The following PROS1 variants were observed in gnomAD, a reference collection of about 807,000 sequenced individuals.
The protein encoded by PROS1 is vitamin K-dependent protein S.
A neutral mutation model predicts 75.9 loss-of-function variants in PROS1; 29 were observed. That is an observed-to-expected ratio of 0.38 (90% CI 0.28 to 0.52). PROS1 has a LOEUF of 0.52. Ranked by LOEUF, PROS1 falls within the 20% of genes least tolerant of loss-of-function variation. The pLI is 0.83. For synonymous variants in PROS1, 245 were observed against 280.6 expected (o/e 0.87, Z 1.27); for missense variants, 680 against 810.3 (o/e 0.84, Z 1.95).
chr3:93,953,307 G>T (rs771161952), intron 1 of PROS1, among the ~76,000 whole-genome samples: 1 of 152,154 alleles, frequency 6.6e-6, no homozygotes, highest in East Asian at 1.9e-4. Context: ...TATCCCTGAT[G>T]AACATTGATG....
At chr3:93,949,467 C>T (rs923306015) in intron 1 of PROS1, among the ~76,000 whole-genome samples, 3 of 151,964 alleles carry the variant, frequency 2.0e-5, no homozygotes, top group African/African-American at 4.8e-5. Context: ...AGATTTGGCT[C>T]ATAAATAGCA....
intron 3 of PROS1, among the ~76,000 whole-genome samples, chr3:93,916,234 T>C (rs2107185985): frequency 6.6e-6 from 1 of 152,306 alleles, no homozygotes; most frequent in African/African-American, 2.4e-5. Context: ...GTCCTTCTTC[T>C]TGAATCATCT....
chr3:93,948,392 G>A (rs1435040049), intron 1 of PROS1, among the ~76,000 whole-genome samples: 1 of 152,182 alleles, frequency 6.6e-6, no homozygotes, highest in Non-Finnish European at 1.5e-5. Context: ...CTGTTGATTT[G>A]GGGTGGAGAG....
intron 1 of PROS1, among the ~76,000 whole-genome samples, chr3:93,935,983 C>A (rs1265540123): frequency 5.7e-5 from 8 of 140,484 alleles, no homozygotes; most frequent in East Asian, 2.1e-4. Flanking sequence ...CAGCCACAGA[C>A]AAAATGAAAA....
At chr3:93,968,309 G>C (rs913009348) in intron 1 of PROS1, among the ~76,000 whole-genome samples, 2 of 152,162 alleles carry the variant, frequency 1.3e-5, no homozygotes, top group Admixed American at 1.3e-4. Context: ...GACATGTACA[G>C]AGGGAAAACG....
chr3:93,930,144 G>A (rs1709083963), intron 1 of PROS1, among the ~76,000 whole-genome samples: 1 of 152,250 alleles, frequency 6.6e-6, no homozygotes, highest in East Asian at 1.9e-4. Flanking sequence ...GGTTAGATTT[G>A]TAACCCTATC....
At chr3:93,960,278 G>A (rs557556242) in intron 1 of PROS1, among the ~76,000 whole-genome samples, 1 of 151,168 alleles carries the variant, frequency 6.6e-6, no homozygotes, top group East Asian at 2.0e-4. Context: ...CTGGGTTCAC[G>A]CCATTCTCCT....
At chr3:93,970,174 G>C (rs1709855335) in intron 1 of PROS1, among the ~76,000 whole-genome samples, 1 of 152,246 alleles carries the variant, frequency 6.6e-6, no homozygotes, top group East Asian at 1.9e-4. Flanking sequence ...TACAAAAGAG[G>C]AGGAAAATAT....
At chr3:93,925,650 G>A (rs563144407) in intron 2 of PROS1, among the ~76,000 whole-genome samples, 10 of 151,604 alleles carry the variant, frequency 6.6e-5, no homozygotes, top group East Asian at 3.9e-4. Flanking sequence ...ATGGCAAAAC[G>A]CCCTCTCGAC....
intron 3 of PROS1, among the ~76,000 whole-genome samples, chr3:93,920,384 G>A (rs1474125897): frequency 6.6e-6 from 1 of 151,964 alleles, no homozygotes; most frequent in Non-Finnish European, 1.5e-5. Context: ...TTTCTCCATA[G>A]GGTTTTTATG....
intron 1 of PROS1, among the ~76,000 whole-genome samples, chr3:93,932,168 T>C (rs958275657): frequency 1.4e-4 from 21 of 152,262 alleles, no homozygotes; most frequent in African/African-American, 4.8e-4. Flanking sequence ...TTATTTACCA[T>C]AATAACCATG....
intron 7 of PROS1, among the ~76,000 whole-genome samples, chr3:93,900,219 C>T (rs774524149): frequency 2.0e-5 from 3 of 152,200 alleles, no homozygotes; most frequent in Non-Finnish European, 4.4e-5. Flanking sequence ...GTAACAGCAC[C>T]TTTAAGGGGT....
chr3:93,948,131 C>T (rs571343451), intron 1 of PROS1, among the ~76,000 whole-genome samples: 7 of 152,190 alleles, frequency 4.6e-5, no homozygotes, highest in East Asian at 1.9e-4. Context: ...AATCAAAGAT[C>T]GCCAGATATT....
chr3:93,923,600 T>A (rs1426938499), intron 3 of PROS1, among the ~76,000 whole-genome samples: 1 of 152,178 alleles, frequency 6.6e-6, no homozygotes, highest in Admixed American at 6.5e-5. Context: ...CCACTGCCCT[T>A]TTAAAATACA....
intron 10 of PROS1, among the ~76,000 whole-genome samples, chr3:93,888,319 A>G (rs1708381610): frequency 6.6e-6 from 1 of 152,200 alleles, no homozygotes; most frequent in Non-Finnish European, 1.5e-5. Context: ...TGTAGCTTTT[A>G]CTTTATGCAT....
At position 93,893,052 on chromosome 3, in the gene PROS1, G is replaced by T. The variant is rs1187406870; in HGVS notation, c.1036C>A (p.His346Asn). The T allele has an allele frequency of 1.8e-5, 29 of 1,613,832 alleles. 1 individual carries two copies. Among genetic ancestry groups the T allele is most frequent in the Non-Finnish European group, 2.4e-5 (28 of 1,179,918 alleles). ...AGTGCAATCAGGAGCCACGCTGAGT[G>T]ATCGATAGATTCTGCGTACAGTATC... is the stretch of plus-strand genomic sequence containing the variant. ...GVILYAESIDHSAWLLIALRG... is the reference protein window; with the variant it reads ...GVILYAESIDNSAWLLIALRG... Residue 346 changes from histidine to asparagine, a missense_variant, in exon 10 of 15, where the codon CAC (histidine) becomes AAC (asparagine). Coordinates refer to ENST00000394236, the MANE Select transcript of PROS1 (RefSeq NM_000313.4).
At chr3:93,924,753 C>A (rs1708992210) in intron 2 of PROS1, among the ~76,000 whole-genome samples, 1 of 151,586 alleles carries the variant, frequency 6.6e-6, no homozygotes, top group African/African-American at 2.4e-5. Flanking sequence ...GCCTTACCCT[C>A]CTGGGCTCAA....
At chr3:93,885,928 A>T (rs1481631816) in intron 11 of PROS1, among the ~76,000 whole-genome samples, 3 of 152,204 alleles carry the variant, frequency 2.0e-5, no homozygotes, top group Non-Finnish European at 2.9e-5. Flanking sequence ...TAGACTTGAG[A>T]AAGTCCTTTG....
At chr3:93,924,718 A>G (rs1023148530) in intron 2 of PROS1, among the ~76,000 whole-genome samples, 23 of 148,050 alleles carry the variant, frequency 1.6e-4, no homozygotes, top group African/African-American at 5.8e-4. Flanking sequence ...GCTAGAGTGC[A>G]GTGGTATGAC....
Sources: allele counts gnomAD v4.1 joint callset (sites outside exome capture counted in the v4.1 genomes callset), GRCh38; gene constraint gnomAD v4.1.1; transcripts MANE v1.5; gene names NCBI Gene and HGNC (gene_info 2026-07-23, HGNC 2026-07-21).